CECR2: variants seen among roughly 807,000 people sequenced by gnomAD.
CECR2 encodes chromatin remodeling regulator CECR2.
Under a neutral mutation model 154.5 loss-of-function variants are expected in CECR2, and 30 were observed. The observed-to-expected ratio is 0.19, with a 90% confidence interval of 0.15 to 0.26. The LOEUF (loss-of-function observed/expected upper bound fraction) is 0.26, where lower values mean the gene tolerates loss of function less well. Among genes scored for constraint, CECR2 ranks in the 10% least tolerant of loss-of-function variants. The probability of loss-of-function intolerance (pLI) is 1.00; values close to 1 mark genes in which losing one functional copy is unlikely to be tolerated. For missense variants in CECR2, 1,743 were observed against 1,829.3 expected (o/e 0.95, Z 0.86); for synonymous variants, 725 against 683.7 (o/e 1.06, Z -0.94).
intron 2 of CECR2, among the ~76,000 whole-genome samples, chr22:17,491,973 GC>G (rs1436245033): frequency 1.3e-5 from 2 of 152,156 alleles, no homozygotes; most frequent in Non-Finnish European, 2.9e-5. Flanking sequence ...CTATTCTACA[GC>G]CCTAGAGAAG....
intron 1 of CECR2, among the ~76,000 whole-genome samples, chr22:17,450,593 G>A (rs1261702423): frequency 6.6e-6 from 1 of 152,194 alleles, no homozygotes; most frequent in Non-Finnish European, 1.5e-5. Context: ...TAAAACCTAT[G>A]CAGTGAAAAG....
chr22:17,501,445 C>T (rs1040437122), intron 5 of CECR2, among the ~76,000 whole-genome samples: 4 of 152,024 alleles, frequency 2.6e-5, no homozygotes, highest in African/African-American at 7.2e-5. Context: ...GTAGTCCCAG[C>T]TACTCGGGAG....
rs1029780639 is a variant in CECR2 at position 17,404,268 on chromosome 22, G to A, written c.126+34359G>A. On this transcript the variant is annotated intron_variant, in intron 1 of 18. Transcript: ENST00000262608. The stretch of plus-strand genomic sequence containing the variant: ...TGCGAGACTCTGTCCCCATCCCCCC[G>A]ACCCCCCTGCCAAAAAAAAAAAAAA... Among the ~76,000 whole-genome samples, 6 of 55,972 alleles carry A rather than the reference G, an allele frequency of 1.1e-4. 1 individual carries two copies. Among genetic ancestry groups the A allele is most frequent in the African/African-American group, 2.3e-4 (3 of 13,028 alleles). The allele number at this position is 55,972 out of a possible 152,430, so 36.7% of individuals were successfully genotyped here.
At chr22:17,468,733 T>C (rs145678660) in intron 1 of CECR2, among the ~76,000 whole-genome samples, 130 of 152,344 alleles carry the variant, frequency 8.5e-4, no homozygotes, top group East Asian at 3.9e-4. Flanking sequence ...CTCAGAATTA[T>C]ATTTCATGTA....
intron 1 of CECR2, among the ~76,000 whole-genome samples, chr22:17,433,390 A>C (rs554304167): frequency 6.6e-6 from 1 of 152,318 alleles, no homozygotes; most frequent in East Asian, 1.9e-4. Flanking sequence ...TGCTCAAAGA[A>C]GTTAAAATTA....
At chr22:17,399,416 A>ATTT (rs67470861) in intron 1 of CECR2, among the ~76,000 whole-genome samples, 5 of 126,390 alleles carry the variant, frequency 4.0e-5, no homozygotes, top group African/African-American at 1.2e-4. Context: ...AGTAATGGTG[A>ATTT]TTTTTTTTTT....
intron 1 of CECR2, among the ~76,000 whole-genome samples, chr22:17,456,333 C>T (rs1246056286): frequency 1.3e-5 from 2 of 151,878 alleles, no homozygotes; most frequent in East Asian, 1.9e-4. Context: ...CATCTTGGTT[C>T]CTCTTAGTTT....
At position 17,508,397 on chromosome 22, in the gene CECR2, C is replaced by CT. The variant is rs1345555215; in HGVS notation, c.870+3385dup. On this transcript the variant is annotated intron_variant, in intron 7 of 18. Transcript: ENST00000262608. ...TATCTCGGTGTGTCAGTTCTTAAAT[C>CT]TTTTATACTGTATTTTTACTGCACC... is the stretch of plus-strand genomic sequence containing the variant. Among the ~76,000 whole-genome samples, 133 of 151,636 alleles carry CT rather than the reference C, an allele frequency of 8.8e-4. 1 individual carries two copies. Among genetic ancestry groups the CT allele is most frequent in the Non-Finnish European group, 8.8e-5 (6 of 67,838 alleles).
chr22:17,390,562 T>C (rs539613271), intron 1 of CECR2, among the ~76,000 whole-genome samples: 2 of 152,340 alleles, frequency 1.3e-5, no homozygotes, highest in African/African-American at 2.4e-5. Flanking sequence ...GCCAGATTCC[T>C]TTTTACAAGT....
intron 1 of CECR2, among the ~76,000 whole-genome samples, chr22:17,381,184 T>C (rs539863748): frequency 6.6e-6 from 1 of 152,326 alleles, no homozygotes; most frequent in African/African-American, 2.4e-5. Flanking sequence ...TTTCCACTCT[T>C]ACACTGGCAT....
At chr22:17,462,697 C>T (rs1248183895) in intron 1 of CECR2, among the ~76,000 whole-genome samples, 4 of 151,876 alleles carry the variant, frequency 2.6e-5, no homozygotes, top group Non-Finnish European at 5.9e-5. Flanking sequence ...GGGTGGATCA[C>T]GAGGTCAGGA....
chr22:17,390,620 A>G (rs895409183), intron 1 of CECR2, among the ~76,000 whole-genome samples: 3 of 151,998 alleles, frequency 2.0e-5, no homozygotes, highest in African/African-American at 7.3e-5. Flanking sequence ...ATTCTAAACC[A>G]GGTGTTTTTA....
intron 2 of CECR2, among the ~76,000 whole-genome samples, chr22:17,478,503 T>C (rs1372549522): frequency 5.3e-5 from 8 of 151,882 alleles, no homozygotes; most frequent in South Asian, 2.1e-4. Flanking sequence ...CTACAGGCAC[T>C]CGCCACCACG....
chr22:17,478,501 A>G (rs1440935140), intron 2 of CECR2, among the ~76,000 whole-genome samples: 7 of 151,542 alleles, frequency 4.6e-5, no homozygotes, highest in Non-Finnish European at 2.9e-5. Context: ...GACTACAGGC[A>G]CTCGCCACCA....
intron 1 of CECR2, among the ~76,000 whole-genome samples, chr22:17,388,320 T>A (rs2063288813): frequency 6.6e-6 from 1 of 152,238 alleles, no homozygotes; most frequent in Admixed American, 6.5e-5. Context: ...TTTGGTGCCA[T>A]GCACTGTCTC....
At chr22:17,457,114 C>T (rs1320462052) in intron 1 of CECR2, among the ~76,000 whole-genome samples, 1 of 150,044 alleles carries the variant, frequency 6.7e-6, no homozygotes. Flanking sequence ...ACAACCTCCG[C>T]CCCCGCGGGT....
At chr22:17,528,470 T>C (rs918885133) in intron 9 of CECR2, among the ~76,000 whole-genome samples, 1 of 152,130 alleles carries the variant, frequency 6.6e-6, no homozygotes, top group African/African-American at 2.4e-5. Flanking sequence ...AAATAGTTAT[T>C]ATGAATGAAT....
chr22:17,546,662 A>T (rs2056618906), intron 16 of CECR2, among the ~76,000 whole-genome samples: 1 of 152,092 alleles, frequency 6.6e-6, no homozygotes, highest in South Asian at 2.1e-4. Context: ...GTTGTTAAGA[A>T]TCTCTAACCT....
chr22:17,369,105 C>A (rs1601230079), upstream of CECR2, among the ~76,000 whole-genome samples: 1 of 152,128 alleles, frequency 6.6e-6, no homozygotes, highest in South Asian at 2.1e-4. Flanking sequence ...CTAGCCCGAC[C>A]GAAAGGACCA....
Sources: allele counts gnomAD v4.1 joint callset (sites outside exome capture counted in the v4.1 genomes callset), GRCh38; gene constraint gnomAD v4.1.1; transcripts MANE v1.5; gene names NCBI Gene and HGNC (gene_info 2026-07-23, HGNC 2026-07-21).